The following SPRED2 variants were observed in gnomAD, a reference collection of about 807,000 sequenced individuals.
SPRED2 encodes sprouty-related, EVH1 domain-containing protein 2.
A neutral mutation model predicts 43.0 loss-of-function variants in SPRED2; 47 were observed. The observed-to-expected ratio is 1.09, with a 90% CI of 0.87 to 1.40. The LOEUF is 1.40. Ranked by LOEUF, SPRED2 falls within the 40% of genes most tolerant of loss-of-function variation. The pLI is 0.00. For missense variants in SPRED2, 561 were observed against 586.4 expected, an observed-to-expected ratio of 0.96 and a Z score of 0.45; for synonymous variants, 225 against 225.7, an observed-to-expected ratio of 1.00 and a Z score of 0.03.
chr2:65,381,567 A>G (rs1675374696), intron 1 of SPRED2, among the ~76,000 whole-genome samples: 1 of 152,234 alleles, frequency 6.6e-6, no homozygotes, highest in African/African-American at 2.4e-5. Context: ...TAGTACCTTC[A>G]TACAGCAAGC....
chr2:65,391,215 C>T (rs1675629601), intron 1 of SPRED2, among the ~76,000 whole-genome samples: 2 of 151,786 alleles, frequency 1.3e-5, no homozygotes, highest in Admixed American at 1.3e-4. Context: ...CACACACACA[C>T]ACACACACAC....
intron 1 of SPRED2, among the ~76,000 whole-genome samples, chr2:65,385,239 T>C (rs1675467422): frequency 6.6e-6 from 1 of 152,222 alleles, no homozygotes; most frequent in Admixed American, 6.5e-5. Context: ...CCCAAAATGC[T>C]GTCATTGCAG....
At chr2:65,373,036 C>T (rs1158983119) in intron 1 of SPRED2, among the ~76,000 whole-genome samples, 4 of 152,218 alleles carry the variant, frequency 2.6e-5, no homozygotes, top group Admixed American at 6.5e-5. Flanking sequence ...GCCTATACAG[C>T]TGTGGACATG....
rs35418849 is a variant in SPRED2 at position 65,384,975 on chromosome 2, C to CTTTT, written c.27-40083_27-40080dup. ...CTAGAAATTTTGCTTTCCACTTCTT[C>CTTTT]TTTTTTTTTTTTTTTGAGACGGACT... is the stretch of plus-strand genomic sequence containing the variant. On this transcript the variant is annotated intron_variant, in intron 1 of 5. Coordinates refer to ENST00000356388, the MANE Select transcript of SPRED2 (RefSeq NM_181784.3). 1.5e-3 allele frequency among the ~76,000 whole-genome samples: 213 copies of CTTTT among 139,822 alleles called. 11 individuals carry two copies. Among genetic ancestry groups the CTTTT allele is most frequent in the Middle Eastern group, 3.9e-3 (1 of 256 alleles). The allele number at this position is 139,822 out of a possible 152,430, so 91.7% of individuals were successfully genotyped here.
At chr2:65,414,381 C>T (rs904632647) in intron 1 of SPRED2, among the ~76,000 whole-genome samples, 2 of 152,122 alleles carry the variant, frequency 1.3e-5, no homozygotes, top group African/African-American at 2.4e-5. Context: ...ATTCCTGCTG[C>T]CTTTGAGAAC....
chr2:65,369,677 TGGCTTAGAGGTAGGGAAACAGCAGA>T (rs1675074490), intron 1 of SPRED2, among the ~76,000 whole-genome samples: 1 of 12,346 alleles, frequency 8.1e-5, no homozygotes, highest in Non-Finnish European at 1.7e-4. Flanking sequence ...GGTCTAATTC[TGGCTTAGAGGTAGGGAAACAGCAGA>T]AGCTGCTCTG....
At chr2:65,358,597 G>C (rs569713422) in intron 1 of SPRED2, among the ~76,000 whole-genome samples, 2 of 152,336 alleles carry the variant, frequency 1.3e-5, no homozygotes, top group South Asian at 2.1e-4. Flanking sequence ...ATTTCTTATA[G>C]ACCTCTGCTA....
chr2:65,428,357 C>T (rs1199176047), intron 1 of SPRED2, among the ~76,000 whole-genome samples: 1 of 152,224 alleles, frequency 6.6e-6, no homozygotes, highest in African/African-American at 2.4e-5. Flanking sequence ...AGCCTTAAGC[C>T]TTAAATACAC....
chr2:65,313,981 G>C lies in SPRED2; in HGVS notation c.777C>G (p.Val259=). The C allele has an allele frequency of 6.2e-7, 1 of 1,613,202 alleles. No homozygotes were observed. Among genetic ancestry groups the C allele is most frequent in the Non-Finnish European group, 8.5e-7 (1 of 1,180,022 alleles). The stretch of plus-strand genomic sequence containing the variant: ...AGGGGTAGTTGTAGTCATGCTTGGG[G>C]ACCTCGCCCTTGGCGAAGCGCACGT... ...SSYVRFAKGE[V]PKHDYNYPYV... Residue 259 remains valine (V), a synonymous_variant, in exon 6 of 6, where the codon GTC becomes GTG. Coordinates refer to ENST00000356388, the MANE Select transcript of SPRED2 (RefSeq NM_181784.3).
At chr2:65,317,512 C>CAAA (rs1673276472) in intron 4 of SPRED2, among the ~76,000 whole-genome samples, 1 of 123,316 alleles carries the variant, frequency 8.1e-6, no homozygotes, top group African/African-American at 3.3e-5. Flanking sequence ...GACTCCATCT[C>CAAA]AAACAACAAC....
chr2:65,354,400 T>C (rs1352582115), intron 1 of SPRED2, among the ~76,000 whole-genome samples: 1 of 152,210 alleles, frequency 6.6e-6, no homozygotes, highest in Non-Finnish European at 1.5e-5. Context: ...TCAGCAAGGT[T>C]GACAAAGTTA....
At chr2:65,366,907 G>A in intron 1 of SPRED2, 1 of 383,688 alleles carries the variant, frequency 2.6e-6, no homozygotes, top group Non-Finnish European at 3.6e-6. Context: ...TTAAAATATT[G>A]TTTTAAAAAT....
rs201435418 is a variant in SPRED2, at chr2:65,313,762, G to C, written c.996C>G (p.Ser332=). Reference sequence around the variant, plus strand: ...TCACCCGGCGGATGCAAGTTCTCACGGAGTCGGGCGCGTCCTGGCAGTGGC... The same window carrying C: ...TCACCCGGCGGATGCAAGTTCTCACCGAGTCGGGCGCGTCCTGGCAGTGGC... ...RRGHCQDAPD[S]VRTCIRRVSC... The change falls in exon 6 of 6, where the codon TCC becomes TCG. Residue 332 remains serine (S), a synonymous_variant. Transcript: ENST00000356388. 7 of 1,614,182 alleles carry C rather than the reference G, an allele frequency of 4.3e-6. No individual in the cohort carries two copies. Among genetic ancestry groups the C allele is most frequent in the Middle Eastern group, 1.6e-4 (1 of 6,062 alleles).
At chr2:65,321,965 G>A (rs893428561) in intron 4 of SPRED2, among the ~76,000 whole-genome samples, 3 of 151,914 alleles carry the variant, frequency 2.0e-5, no homozygotes, top group Non-Finnish European at 4.4e-5. Flanking sequence ...AGTAGAGATG[G>A]GGTTTCACCA....
intron 4 of SPRED2, among the ~76,000 whole-genome samples, chr2:65,330,996 G>GA (rs11422797): frequency 0.57 from 86,524 of 151,832 alleles, 24,702 homozygotes; most frequent in East Asian, 0.79. Flanking sequence ...AAATGAAACA[G>GA]AAAAAAAATC....
At chr2:65,338,917 C>T (rs1432770117) in intron 2 of SPRED2, among the ~76,000 whole-genome samples, 2 of 150,832 alleles carry the variant, frequency 1.3e-5, no homozygotes, top group African/African-American at 2.4e-5. Context: ...GGCAGCCCAT[C>T]GTCTGAGATG....
At chr2:65,370,818 C>G (rs780890745) in intron 1 of SPRED2, among the ~76,000 whole-genome samples, 1 of 152,176 alleles carries the variant, frequency 6.6e-6, no homozygotes, top group Non-Finnish European at 1.5e-5. Context: ...GAAAGGACCT[C>G]CCCTATTTCA....
chr2:65,310,553 T>C (rs1673041906), downstream of SPRED2, among the ~76,000 whole-genome samples: 1 of 149,808 alleles, frequency 6.7e-6, no homozygotes, highest in Admixed American at 6.6e-5. Flanking sequence ...TTAGAGGAAG[T>C]ACAGCTGTTC....
intron 1 of SPRED2, among the ~76,000 whole-genome samples, chr2:65,365,985 A>C (rs983771117): frequency 2.0e-5 from 3 of 152,156 alleles, no homozygotes; most frequent in East Asian, 1.9e-4. Context: ...CCCACCTAGA[A>C]AAAGTTAATG....
Sources: gnomAD v4.1 joint callset for allele counts (sites outside exome capture counted in the v4.1 genomes callset) on GRCh38, gnomAD v4.1.1 for gene constraint, MANE v1.5 for transcripts, NCBI Gene and HGNC (gene_info 2026-07-23, HGNC 2026-07-21) for gene names.